IL3RA: variants seen among roughly 807,000 people sequenced by gnomAD.
IL3RA encodes interleukin 3 receptor subunit alpha.
In IL3RA, 73 loss-of-function variants were observed where a neutral mutation model predicts 52.3. That is an observed-to-expected ratio of 1.40 (90% CI 1.16 to 1.70). The LOEUF is 1.70. IL3RA is among the 40% of genes most tolerant of loss of function. The pLI is 0.00. For synonymous variants in IL3RA, 260 were observed against 194.0 expected, an observed-to-expected ratio of 1.34 and a Z score of -2.83; for missense variants, 664 against 504.4, an observed-to-expected ratio of 1.32 and a Z score of -3.03.
At chrX:1,365,484 C>G (rs866619905) in intron 9 of IL3RA, among the ~76,000 whole-genome samples, 98 of 3,610 alleles carry the variant, frequency 0.027, no homozygotes, top group Middle Eastern at 0.17. Context: ...CGGGGTGAGC[C>G]GGGTGCGCGG....
chrX:1,378,639 C>G lies in IL3RA; in HGVS notation c.875-20C>G, dbSNP rs1439147644. ...CCAGGACGGCCCCCGGTCTGTGACC[C>G]TCTCACCCTTTACCCCTAGAGTGCG... On this transcript the variant is annotated intron_variant, in intron 9 of 11. Coordinates refer to ENST00000331035, the MANE Select transcript of IL3RA (RefSeq NM_002183.4). The G allele has an allele frequency of 1.2e-6, 2 of 1,607,180 alleles. No homozygotes were observed. Among genetic ancestry groups the G allele is most frequent in the African/African-American group, 2.7e-5 (2 of 74,794 alleles).
intron 6 of IL3RA, 94 bp downstream of exon 6, chrX:1,352,600 C>A: frequency 1.1e-5 from 15 of 1,305,592 alleles, no homozygotes; most frequent in Non-Finnish European, 1.5e-5. Context: ...TGGCTCCCAA[C>A]GCAGACGTTG....
chrX:1,338,458 C>G (rs1243090521), intron 1 of IL3RA, among the ~76,000 whole-genome samples: 1 of 151,036 alleles, frequency 6.6e-6, no homozygotes, highest in Non-Finnish European at 1.5e-5. Flanking sequence ...TCACACTAGC[C>G]AAGAGGTGGA....
At chrX:1,367,572 C>A (rs185174108) in intron 9 of IL3RA, among the ~76,000 whole-genome samples, 19,817 of 53,068 alleles carry the variant, frequency 0.37, 5,130 homozygotes, top group African/African-American at 0.6. Flanking sequence ...GCGCCGGGTG[C>A]GCGGGGTGAG....
At chrX:1,346,807 C>T (rs1368502603) in intron 3 of IL3RA, among the ~76,000 whole-genome samples, 3 of 151,194 alleles carry the variant, frequency 2.0e-5, no homozygotes, top group Non-Finnish European at 2.9e-5. Flanking sequence ...GAAAGGAGCA[C>T]GTTTCCCTGA....
chrX:1,378,175 T>TC (rs1460226742), intron 9 of IL3RA, among the ~76,000 whole-genome samples: 1 of 115,288 alleles, frequency 8.7e-6, no homozygotes, highest in Non-Finnish European at 1.7e-5. Flanking sequence ...AAAACGAGAC[T>TC]CCATCTCAAA....
intron 3 of IL3RA, among the ~76,000 whole-genome samples, 183 bp from the exon 4 acceptor site, chrX:1,348,248 G>T (rs17881216): frequency 0.061 from 9,228 of 150,866 alleles, 352 homozygotes; most frequent in Middle Eastern, 0.11. Flanking sequence ...AGGTGCTCGG[G>T]AGGTTGAAGC....
At position 1,341,748 on chromosome X, in the gene IL3RA, T is replaced by G; in HGVS notation, c.-18T>G. 6.2e-7 allele frequency: 1 copy of G among 1,613,696 alleles called. No homozygotes were observed. Among genetic ancestry groups the G allele is most frequent in the South Asian group, 1.1e-5 (1 of 91,060 alleles). On this transcript the variant is annotated 5_prime_UTR_variant, in exon 2 of 12. Coordinates refer to ENST00000331035, the MANE Select transcript of IL3RA (RefSeq NM_002183.4). ...TGCAGCAGGCACCTCTGTCCTGCGT[T>G]CCGGAGCTGCGTTCCCGATGGTCCT...
At chrX:1,365,464 G>C in intron 9 of IL3RA, among the ~76,000 whole-genome samples, 1 of 52,046 alleles carries the variant, frequency 1.9e-5, no homozygotes, top group Non-Finnish European at 3.1e-5. Flanking sequence ...AGCGGGGTGC[G>C]CGGGGTGAGC....
At chrX:1,337,176 G>A (rs1331638570) in intron 1 of IL3RA, among the ~76,000 whole-genome samples, 1 of 152,216 alleles carries the variant, frequency 6.6e-6, no homozygotes, top group Non-Finnish European at 1.5e-5. Context: ...CATGTTAGAT[G>A]CCTTGGGTTT....
At chrX:1,380,642 G>C (rs1180435110) in intron 10 of IL3RA, among the ~76,000 whole-genome samples, 1 of 76,324 alleles carries the variant, frequency 1.3e-5, no homozygotes, top group Non-Finnish European at 2.7e-5. Context: ...AGGGAGAGGG[G>C]GAGGGGGAGA....
chrX:1,363,462 G>A lies in IL3RA; in HGVS notation c.760-1676G>A, dbSNP rs750565403. 4.8e-3 allele frequency among the ~76,000 whole-genome samples: 725 copies of A among 151,912 alleles called. 7 individuals are homozygous for A. The highest frequency in any genetic ancestry group is 0.017 in the African/African-American group (699 of 41,450). Reference sequence around the variant, plus strand: ...ACCTCAGGCGCCCGCCACCGGGCCCGGCTAATTTTTTGTATTTTTAGTAGA... The same window carrying A: ...ACCTCAGGCGCCCGCCACCGGGCCCAGCTAATTTTTTGTATTTTTAGTAGA... On this transcript the variant is annotated intron_variant, in intron 8 of 11. Transcript: ENST00000331035.
chrX:1,342,951 TG>T (rs1220991264), intron 2 of IL3RA, among the ~76,000 whole-genome samples: 1 of 151,764 alleles, frequency 6.6e-6, no homozygotes, highest in Non-Finnish European at 1.5e-5. Flanking sequence ...GGCGGGCGCC[TG>T]TAATCCCAGT....
intron 10 of IL3RA, 49 bp downstream of exon 10, chrX:1,378,813 C>A: frequency 1.3e-6 from 2 of 1,486,958 alleles, no homozygotes; most frequent in South Asian, 2.3e-5. Flanking sequence ...CAGTGTGACC[C>A]TGAAAGTTAT....
At chrX:1,337,374 A>C (rs2085354775) in intron 1 of IL3RA, among the ~76,000 whole-genome samples, 1 of 151,824 alleles carries the variant, frequency 6.6e-6, no homozygotes, top group East Asian at 1.9e-4. Flanking sequence ...TGGGGCTGGG[A>C]CCCCAGCCTG....
chrX:1,378,566 C>T (rs2149217220), intron 9 of IL3RA, 93 bp from the exon 10 acceptor site: 1 of 1,107,208 alleles, frequency 9.0e-7, no homozygotes, highest in Non-Finnish European at 1.3e-6. Context: ...TGGCAGCCAC[C>T]TCTCTGCTTC....
intron 8 of IL3RA, among the ~76,000 whole-genome samples, chrX:1,363,396 G>A (rs2087628380): frequency 6.6e-6 from 1 of 150,384 alleles, no homozygotes. Flanking sequence ...CGCCTCCCGG[G>A]TTCCCGCCAC....
intron 9 of IL3RA, among the ~76,000 whole-genome samples, chrX:1,367,725 C>CGCAGGGTGA (rs2088245635): frequency 9.4e-6 from 1 of 105,844 alleles, no homozygotes; most frequent in Non-Finnish European, 1.9e-5. Context: ...GAGCGGGGTG[C>CGCAGGGTGA]GCCGGGTGAG....
At chrX:1,355,023 G>A (rs1444860484) in intron 6 of IL3RA, among the ~76,000 whole-genome samples, 1 of 24,248 alleles carries the variant, frequency 4.1e-5, no homozygotes, top group Non-Finnish European at 8.8e-5. Context: ...GAGAAGGAGG[G>A]GGAGAGGATG....
Sources: gnomAD v4.1 joint callset for allele counts (sites outside exome capture counted in the v4.1 genomes callset) on GRCh38, gnomAD v4.1.1 for gene constraint, MANE v1.5 for transcripts, NCBI Gene and HGNC (gene_info 2026-07-23, HGNC 2026-07-21) for gene names.